The following KIAA2012 variants were observed in gnomAD, a reference collection of about 807,000 sequenced individuals.
KIAA2012 encodes KIAA2012.
In KIAA2012, 125 loss-of-function variants were observed where a neutral mutation model predicts 150.6. The observed-to-expected ratio is 0.83, with a 90% confidence interval of 0.72 to 0.96. The LOEUF is 0.96. Among genes scored for constraint, KIAA2012 ranks in the 40% least tolerant of loss-of-function variants. The pLI is 0.00. For missense variants in KIAA2012, 1,219 were observed against 1,354.9 expected, an observed-to-expected ratio of 0.90 and a Z score of 1.57; for synonymous variants, 462 against 504.7, an observed-to-expected ratio of 0.92 and a Z score of 1.13.
chr2:202,148,476 C>A (rs1691347262), intron 13 of KIAA2012, among the ~76,000 whole-genome samples: 1 of 152,130 alleles, frequency 6.6e-6, no homozygotes, highest in African/African-American at 2.4e-5. Context: ...CTTGTGGAGC[C>A]CTCGCAAAAC....
intron 15 of KIAA2012, among the ~76,000 whole-genome samples, chr2:202,177,824 G>GA (rs1692027932): frequency 6.6e-6 from 1 of 152,160 alleles, no homozygotes; most frequent in Non-Finnish European, 1.5e-5. Flanking sequence ...AATTTTGAAG[G>GA]AGACGATAAC....
At position 202,097,520 on chromosome 2, in the gene KIAA2012, G is replaced by C; in HGVS notation, c.771G>C (p.Gly257=). 4 of 1,550,522 alleles carry C rather than the reference G, an allele frequency of 2.6e-6. No individual in the cohort carries two copies. In the South Asian group the frequency reaches 3.6e-5, roughly 14 times the overall value. ...TAGCCAAGAACCATGGCAGTCAGGG[G>C]ACTCGCTTGCCACCACGCAGGAAGC... ...GPLAKNHGSQ[G]TRLPPRRKQP... The change falls in exon 5 of 24, where the codon GGG becomes GGC. Residue 257 remains glycine (G), a synonymous_variant. Transcript: ENST00000498697.
At position 202,090,887 on chromosome 2, in the gene KIAA2012, C is replaced by G. The variant is rs139361319; in HGVS notation, c.487C>G (p.Arg163Gly). ...CAAGAGATACCTCCGAGGCCTCCTG[C>G]GGACTTGGCCCCCAGACGCCATGTA... ...SAKRYLRGLLRTWPPDAMYRL... is the reference protein window; with the variant it reads ...SAKRYLRGLLGTWPPDAMYRL... The change falls in exon 3 of 24, where the codon CGG becomes GGG. Residue 163 changes from arginine (R) to glycine (G), a missense_variant. Transcript: ENST00000498697. 251 of 1,550,394 alleles carry G rather than the reference C, an allele frequency of 1.6e-4. 1 individual carries two copies. The East Asian group carries it at 4.7e-3, about 29-fold the overall frequency.
chr2:202,096,902 A>T (rs973047151), intron 4 of KIAA2012, among the ~76,000 whole-genome samples: 1 of 152,206 alleles, frequency 6.6e-6, no homozygotes, highest in African/African-American at 2.4e-5. Context: ...AGACAGGATA[A>T]GTTCAGAGAG....
rs1284500701 is a variant in KIAA2012 at position 202,100,386 on chromosome 2, C to T, written c.1092C>T (p.Phe364=). Residue 364 remains phenylalanine (F), a synonymous_variant, in exon 7 of 24, where the codon TTC becomes TTT. Transcript: ENST00000498697. ...LQVLPAERSL[F]PPVASATGSR... The stretch of plus-strand genomic sequence containing the variant: ...TGCTTCCTGCTGAAAGAAGCCTCTT[C>T]CCTCCTGTAGCATCTGCCACTGGCT... The T allele has an allele frequency of 6.4e-6, 10 of 1,550,496 alleles. No homozygotes were observed. The East Asian group carries it at 2.2e-4, about 34-fold the overall frequency.
intron 10 of KIAA2012, 147 bp from the exon 11 acceptor site, chr2:202,113,189 G>A: frequency 3.4e-6 from 2 of 596,722 alleles, no homozygotes; most frequent in Middle Eastern, 4.6e-4. Flanking sequence ...CAGGAGTAGG[G>A]CTCACCCTAT....
intron 14 of KIAA2012, among the ~76,000 whole-genome samples, chr2:202,163,638 T>A (rs1251226818): frequency 6.6e-6 from 1 of 152,206 alleles, no homozygotes; most frequent in East Asian, 1.9e-4. Flanking sequence ...TGAAGTTTGA[T>A]CCTTCTTGGC....
At chr2:202,177,434 C>T (rs998278635) in intron 15 of KIAA2012, among the ~76,000 whole-genome samples, 20 of 152,280 alleles carry the variant, frequency 1.3e-4, no homozygotes, top group African/African-American at 4.3e-4. Flanking sequence ...TTATGAAGAA[C>T]AGAACAGTCT....
rs1244758602 is a variant in KIAA2012, at chr2:202,093,128, C to T, written c.628C>T (p.His210Tyr). 1.9e-6 allele frequency: 3 copies of T among 1,551,102 alleles called. No homozygotes were observed. Among genetic ancestry groups the T allele is most frequent in the East Asian group, 2.4e-5 (1 of 40,928 alleles). ...QDLSGVPPKY[H>Y]LLPVFPSFWI... ...TCTTTCAGGTGTACCCCCAAAATAC[C>T]ATCTCCTGCCTGTCTTCCCTTCATT... Residue 210 changes from histidine (H) to tyrosine (Y), a missense_variant, in exon 4 of 24, where the codon CAT becomes TAT. His to Tyr is a moderately conservative substitution (Grantham distance 83). Transcript: ENST00000498697.
chr2:202,189,784 C>T (rs1215792235), intron 18 of KIAA2012, among the ~76,000 whole-genome samples: 3 of 151,998 alleles, frequency 2.0e-5, no homozygotes, highest in Non-Finnish European at 4.4e-5. Flanking sequence ...CCATTGCATG[C>T]TAACTTTTAA....
intron 7 of KIAA2012, 62 bp from the exon 8 acceptor site, chr2:202,102,884 C>A: frequency 2.1e-6 from 3 of 1,412,294 alleles, no homozygotes; most frequent in Non-Finnish European, 1.9e-6. Flanking sequence ...GTATCGTTTG[C>A]CCCTGCAGGC....
At chr2:202,160,549 G>A (rs1372085788) in intron 14 of KIAA2012, among the ~76,000 whole-genome samples, 5 of 152,002 alleles carry the variant, frequency 3.3e-5, no homozygotes, top group Admixed American at 1.3e-4. Flanking sequence ...TCCTGACCTC[G>A]TGATCCGCCC....
chr2:202,147,060 G>A (rs1691316848), intron 13 of KIAA2012, among the ~76,000 whole-genome samples: 1 of 152,146 alleles, frequency 6.6e-6, no homozygotes. Flanking sequence ...AGAACTTGGA[G>A]CTTGTATACA....
At chr2:202,146,718 GAGCCTGGGAGGT>G (rs1038625018) in intron 13 of KIAA2012, among the ~76,000 whole-genome samples, 1 of 151,508 alleles carries the variant, frequency 6.6e-6, no homozygotes, top group African/African-American at 2.4e-5. Flanking sequence ...AGGATTGCTT[GAGCCTGGGAGGT>G]CAAGGCTGCA....
chr2:202,118,805 G>A (rs1291192201), intron 11 of KIAA2012, among the ~76,000 whole-genome samples: 1 of 152,146 alleles, frequency 6.6e-6, no homozygotes, highest in Non-Finnish European at 1.5e-5. Context: ...GACCAGTAAG[G>A]CCTCACAGCC....
At chr2:202,099,478 C>T in intron 5 of KIAA2012, 135 bp from the exon 6 acceptor site, 1 of 638,696 alleles carries the variant, frequency 1.6e-6, no homozygotes, top group South Asian at 2.6e-5. Context: ...CTGTTATAAC[C>T]TTATTTTTCT....
chr2:202,079,630 G>A (rs7564750), intron 2 of KIAA2012, among the ~76,000 whole-genome samples: 4,655 of 152,256 alleles, frequency 0.031, 235 homozygotes, highest in African/African-American at 0.11. Flanking sequence ...CTCCTTACGG[G>A]TAAAGATAAA....
rs986948173 is a variant in KIAA2012 at position 202,193,364 on chromosome 2, G to A, written c.2875G>A (p.Glu959Lys). 52 of 1,550,288 alleles carry A rather than the reference G, an allele frequency of 3.4e-5. No homozygotes were observed. Among genetic ancestry groups the A allele is most frequent in the Middle Eastern group, 1.7e-4 (1 of 5,890 alleles). Residue 959 changes from glutamate (E) to lysine (K), a missense_variant, in exon 20 of 24, where the codon GAG becomes AAG. Glu to Lys is a moderately conservative substitution (Grantham distance 56). Transcript: ENST00000498697. Reference protein sequence around the residue: ...SWDRLRAERAEMRWLEVEKKR... With the variant: ...SWDRLRAERAKMRWLEVEKKR... ...GGACAGGCTTCGAGCAGAAAGAGCC[G>A]AGATGAGGTGGCTGGAGGTGGAGAA... is the stretch of plus-strand genomic sequence containing the variant.
At chr2:202,139,365 CAG>C (rs1401847504) in intron 13 of KIAA2012, among the ~76,000 whole-genome samples, 2 of 152,100 alleles carry the variant, frequency 1.3e-5, no homozygotes, top group African/African-American at 4.8e-5. Context: ...AGAGACAACT[CAG>C]GGGAATTCCT....
Sources: allele counts gnomAD v4.1 joint callset (sites outside exome capture counted in the v4.1 genomes callset), GRCh38; gene constraint gnomAD v4.1.1; transcripts MANE v1.5; gene names NCBI Gene and HGNC (gene_info 2026-07-23, HGNC 2026-07-21).